The following DCDC2 variants were observed in gnomAD, a reference collection of about 807,000 sequenced individuals.
DCDC2 encodes the protein doublecortin domain containing 2.
Under a neutral mutation model 50.2 loss-of-function variants are expected in DCDC2, and 40 were observed. The observed-to-expected ratio is 0.80, with a 90% CI of 0.62 to 1.04. The LOEUF (loss-of-function observed/expected upper bound fraction) is 1.04, where lower values mean the gene tolerates loss of function less well. Among genes scored for constraint, DCDC2 ranks in the 50% least tolerant of loss-of-function variants. DCDC2 has a pLI of 0.00. For missense variants in DCDC2, 570 were observed against 581.9 expected, an observed-to-expected ratio of 0.98 and a Z score of 0.21; for synonymous variants, 234 against 210.6, an observed-to-expected ratio of 1.11 and a Z score of -0.96.
the DCDC2 span, among the ~76,000 whole-genome samples, chr6:24,364,009 T>A: frequency 1.3e-5 from 2 of 152,190 alleles, no homozygotes; most frequent in African/African-American, 4.8e-5. Flanking sequence ...ACGCAAATCT[T>A]CCTATGGCTC....
chr6:24,177,962 T>C (rs1760961863), intron 9 of DCDC2, among the ~76,000 whole-genome samples: 1 of 152,230 alleles, frequency 6.6e-6, no homozygotes, highest in South Asian at 2.1e-4. Flanking sequence ...ATATTCTTTT[T>C]TGGTTTCTAC....
intron 2 of DCDC2, among the ~76,000 whole-genome samples, chr6:24,309,282 G>A (rs966568296): frequency 1.2e-4 from 17 of 141,754 alleles, no homozygotes; most frequent in Non-Finnish European, 1.5e-4. Flanking sequence ...ACGAGATCAC[G>A]CCATTGCACT....
Position 24,326,154 on chromosome 6 carries a change from AAGAG to A in DCDC2, c.349-24114_349-24111del, listed in dbSNP as rs71760858. 9.9e-5 allele frequency among the ~76,000 whole-genome samples: 12 copies of A among 121,672 alleles called. 1 individual carries two copies. Among genetic ancestry groups the A allele is most frequent in the East Asian group, 9.2e-4 (3 of 3,256 alleles). The allele number at this position is 121,672 out of a possible 152,430, so 79.8% of individuals were successfully genotyped here. A position where few individuals can be genotyped will look rare whatever the true frequency, so the allele number is the denominator to read the frequency against. ...TAAAAAGAAGGAAAGAGAGGAAGGA[AAGAG>A]AGGAAGGAAAGGAAGGAAGGAAGGA... is the stretch of plus-strand genomic sequence containing the variant. On this transcript the variant is annotated intron_variant, in intron 2 of 9. Transcript: ENST00000378454.
At chr6:24,192,763 A>G (rs879827690) in intron 8 of DCDC2, among the ~76,000 whole-genome samples, 2 of 152,100 alleles carry the variant, frequency 1.3e-5, no homozygotes, top group African/African-American at 4.8e-5. Flanking sequence ...AGGAGAGACA[A>G]TTAGATAATC....
the DCDC2 span, among the ~76,000 whole-genome samples, chr6:24,382,009 A>AAGGCAGGCAGGCAGGCAGGC: frequency 3.4e-4 from 40 of 116,498 alleles, no homozygotes; most frequent in East Asian, 3.2e-3. Flanking sequence ...GGAAGGAAGG[A>AAGGCAGGCAGGCAGGCAGGC]AGGCAGGCAA....
intron 8 of DCDC2, among the ~76,000 whole-genome samples, chr6:24,193,750 GT>G (rs1761361234): frequency 6.6e-6 from 1 of 152,082 alleles, no homozygotes; most frequent in Non-Finnish European, 1.5e-5. Flanking sequence ...ATCTGTATGT[GT>G]TTGTATGTAT....
chr6:24,204,291 G>A (rs1000829820), intron 8 of DCDC2, among the ~76,000 whole-genome samples: 8 of 152,238 alleles, frequency 5.3e-5, no homozygotes, highest in East Asian at 3.9e-4. Context: ...TATACACCAC[G>A]GAATACTATG....
the DCDC2 span, among the ~76,000 whole-genome samples, chr6:24,363,152 G>C: frequency 6.6e-6 from 1 of 152,160 alleles, no homozygotes; most frequent in Non-Finnish European, 1.5e-5. Context: ...TTGAGAATGA[G>C]AGAGATGGCC....
intron 2 of DCDC2, among the ~76,000 whole-genome samples, chr6:24,303,221 T>C (rs1268797288): frequency 6.6e-6 from 1 of 152,064 alleles, no homozygotes; most frequent in African/African-American, 2.4e-5. Context: ...CTATCCTCTC[T>C]TCAGGCTTCT....
chr6:24,209,700 T>C (rs1483225804), intron 7 of DCDC2, among the ~76,000 whole-genome samples: 1 of 152,200 alleles, frequency 6.6e-6, no homozygotes, highest in Non-Finnish European at 1.5e-5. Flanking sequence ...CCTCTAAAAC[T>C]AATTGGGCAC....
intron 5 of DCDC2, among the ~76,000 whole-genome samples, chr6:24,289,200 T>A (rs1048105056): frequency 1.4e-4 from 21 of 152,238 alleles, no homozygotes; most frequent in African/African-American, 4.8e-4. Flanking sequence ...TCCCAAAGTG[T>A]CCTATTTGCA....
chr6:24,332,853 G>C (rs72833016), intron 2 of DCDC2, among the ~76,000 whole-genome samples: 10,263 of 152,162 alleles, frequency 0.067, 430 homozygotes, highest in Middle Eastern at 0.11. Context: ...TGCTGGGCTG[G>C]TATAAAAATG....
chr6:24,205,888 G>C (rs984106857), intron 7 of DCDC2, among the ~76,000 whole-genome samples: 3 of 152,146 alleles, frequency 2.0e-5, no homozygotes, highest in Non-Finnish European at 4.4e-5. Flanking sequence ...GACAGGTTTA[G>C]TGCTTTGGCC....
chr6:24,331,191 T>C (rs1759958661), intron 2 of DCDC2, among the ~76,000 whole-genome samples: 1 of 152,208 alleles, frequency 6.6e-6, no homozygotes, highest in African/African-American at 2.4e-5. Context: ...ATAATTCCCA[T>C]AGCTCTCTCT....
Position 24,357,678 on chromosome 6 carries a change from C to G in DCDC2, c.73G>C (p.Gly25Arg), listed in dbSNP as rs772638721. Reference protein sequence around the residue: ...VVKSVLVYRNGDPFYAGRRVV... With the variant: ...VVKSVLVYRNRDPFYAGRRVV... ...CGGCGCCCCGCGTAGAAGGGGTCCC[C>G]GTTGCGGTACACAAGCACGCTCTTC... is the stretch of plus-strand genomic sequence containing the variant. Residue 25 changes from glycine to arginine, a missense_variant, in exon 1 of 10, where the codon GGG becomes CGG. Coordinates refer to ENST00000378454, the MANE Select transcript of DCDC2 (RefSeq NM_016356.5). 1.9e-6 allele frequency: 3 copies of G among 1,613,322 alleles called. No individual in the cohort carries two copies. Among genetic ancestry groups the G allele is most frequent in the Non-Finnish European group, 2.5e-6 (3 of 1,180,038 alleles).
intron 6 of DCDC2, among the ~76,000 whole-genome samples, chr6:24,286,405 C>A (rs1490951719): frequency 6.6e-6 from 1 of 152,116 alleles, no homozygotes; most frequent in Non-Finnish European, 1.5e-5. Context: ...ACAGCCTGGG[C>A]AACAAGGTGA....
At chr6:24,238,191 G>GGAATGGA (rs1762495382) in intron 7 of DCDC2, among the ~76,000 whole-genome samples, 1 of 47,640 alleles carries the variant, frequency 2.1e-5, no homozygotes, top group Non-Finnish European at 3.9e-5. Context: ...GGGAGGGGGA[G>GGAATGGA]GGGAGGGAGT....
At chr6:24,312,632 AC>A (rs922509286) in intron 2 of DCDC2, among the ~76,000 whole-genome samples, 1 of 152,114 alleles carries the variant, frequency 6.6e-6, no homozygotes, top group African/African-American at 2.4e-5. Context: ...ATGTTGCTGT[AC>A]CCAGTACACA....
intron 4 of DCDC2, among the ~76,000 whole-genome samples, chr6:24,291,333 G>A (rs1317842746): frequency 6.6e-6 from 1 of 152,088 alleles, no homozygotes; most frequent in Non-Finnish European, 1.5e-5. Context: ...TCACCCCAGT[G>A]AGTCTGATGA....
Sources: allele counts gnomAD v4.1 joint callset (sites outside exome capture counted in the v4.1 genomes callset), GRCh38; gene constraint gnomAD v4.1.1; transcripts MANE v1.5; gene names NCBI Gene and HGNC (gene_info 2026-07-23, HGNC 2026-07-21).